The following PTP4A1 variants were observed in gnomAD, a reference collection of about 807,000 sequenced individuals.
PTP4A1 encodes the protein protein tyrosine phosphatase type IVA 1.
Under a neutral mutation model 20.5 loss-of-function variants are expected in PTP4A1, and 9 were observed. The observed-to-expected ratio is 0.44, with a 90% CI of 0.26 to 0.77. The LOEUF is 0.77. PTP4A1 is among the 30% of genes least tolerant of loss of function. The pLI is 0.19. For missense variants in PTP4A1, 137 were observed against 218.8 expected, an observed-to-expected ratio of 0.63 and a Z score of 2.36; for synonymous variants, 78 against 67.4, an observed-to-expected ratio of 1.16 and a Z score of -0.77.
At chr6:63,547,569 G>C (rs1469270674) in intron 2 of PTP4A1, among the ~76,000 whole-genome samples, 1 of 136,998 alleles carries the variant, frequency 7.3e-6, no homozygotes, top group African/African-American at 2.8e-5. Flanking sequence ...GCAGTGGTAC[G>C]ATCTTGGCTC....
At chr6:63,576,201 A>C (rs1777857151) in intron 1 of PTP4A1, among the ~76,000 whole-genome samples, 1 of 151,442 alleles carries the variant, frequency 6.6e-6, no homozygotes, top group Admixed American at 6.6e-5. Flanking sequence ...TTTTCTGAGG[A>C]ATCTTGGTAA....
At chr6:63,577,050 C>T (rs1206572791) in intron 2 of PTP4A1, 65 bp downstream of exon 2, 10 of 1,303,696 alleles carry the variant, frequency 7.7e-6, no homozygotes, top group African/African-American at 3.0e-5. Flanking sequence ...TTATAGCTAA[C>T]AAAATAAAAA....
In PTP4A1 at chr6:63,573,939, T is replaced by G. The variant is rs554054400; in HGVS notation, c.-446+1220T>G. Among the ~76,000 whole-genome samples the G allele has an allele frequency of 3.9e-5, 6 of 152,292 alleles. No individual in the cohort carries two copies. In the South Asian group the frequency reaches 1.2e-3, roughly 32 times the overall value. ...TGAGCTCTGTGGTGTAATATGTTGT[T>G]GCCTCCTGTTGGTTTGTGGCAGCAG... On this transcript the variant is annotated intron_variant, in intron 1 of 5. Coordinates refer to ENST00000626021, the MANE Select transcript of PTP4A1 (RefSeq NM_003463.5).
chr6:63,541,280 T>C (rs962207655), intron 2 of PTP4A1, among the ~76,000 whole-genome samples: 1 of 152,136 alleles, frequency 6.6e-6, no homozygotes, highest in Non-Finnish European at 1.5e-5. Context: ...TAGATTCCCA[T>C]TCTCTTTGGA....
intron 2 of PTP4A1, among the ~76,000 whole-genome samples, chr6:63,533,615 G>A (rs1256705648): frequency 6.6e-6 from 1 of 152,004 alleles, no homozygotes; most frequent in Non-Finnish European, 1.5e-5. Flanking sequence ...ATGGCTGAGG[G>A]ACTAGAGCAC....
intron 1 of PTP4A1, among the ~76,000 whole-genome samples, chr6:63,524,145 C>A (rs760478722): frequency 1.3e-5 from 2 of 152,062 alleles, no homozygotes; most frequent in Non-Finnish European, 2.9e-5. Flanking sequence ...CCACCACACC[C>A]AGTTAATTTT....
chr6:63,542,426 TAAAA>T (rs371701345), intron 2 of PTP4A1, among the ~76,000 whole-genome samples: 4 of 144,324 alleles, frequency 2.8e-5, no homozygotes, highest in African/African-American at 5.1e-5. Context: ...CCTATGGAAA[TAAAA>T]AAAAAAACTC....
upstream of PTP4A1, chr6:63,571,617 G>C (rs970837200): frequency 6.6e-6 from 1 of 152,168 alleles, no homozygotes; most frequent in Non-Finnish European, 1.5e-5. Context: ...TTCTAAAAAC[G>C]CTTTCTTTAA....
In PTP4A1 at chr6:63,580,093, G is replaced by A. The variant is rs1379653723; in HGVS notation, c.441G>A (p.Leu147=). 2 of 1,608,308 alleles carry A rather than the reference G, an allele frequency of 1.2e-6. No individual in the cohort carries two copies. Among genetic ancestry groups the A allele is most frequent in the Non-Finnish European group, 1.7e-6 (2 of 1,177,890 alleles). Residue 147 remains leucine, a synonymous_variant, in exon 6 of 6, where the codon CTG becomes CTA. Coordinates refer to ENST00000626021, the MANE Select transcript of PTP4A1 (RefSeq NM_003463.5). ...GAGCTTTTAACAGCAAGCAACTTCTGTATTTGGAGAAGTATCGTCCTAAAA... is the reference window on the plus strand; with the variant it reads ...GAGCTTTTAACAGCAAGCAACTTCTATATTTGGAGAAGTATCGTCCTAAAA... The part of the protein sequence containing the change: ...RRGAFNSKQL[L]YLEKYRPKMR...
intron 2 of PTP4A1, among the ~76,000 whole-genome samples, chr6:63,534,933 A>G (rs1408389819): frequency 2.0e-5 from 3 of 151,842 alleles, no homozygotes; most frequent in Non-Finnish European, 4.4e-5. Context: ...GGTGGCACAC[A>G]TCTGTAATCC....
upstream of PTP4A1, among the ~76,000 whole-genome samples, chr6:63,520,146 A>G (rs982352474): frequency 4.6e-5 from 7 of 152,208 alleles, no homozygotes; most frequent in African/African-American, 1.4e-4. Context: ...TGTTGCATTG[A>G]TACTTTTCTC....
At chr6:63,533,237 C>A (rs750736712) in intron 2 of PTP4A1, among the ~76,000 whole-genome samples, 4 of 152,058 alleles carry the variant, frequency 2.6e-5, no homozygotes, top group Non-Finnish European at 4.4e-5. Flanking sequence ...CAAAAATTAG[C>A]CAGATGTGGT....
Position 63,580,157 on chromosome 6 carries a change from A to G in PTP4A1, c.505A>G (p.Asn169Asp). ...RFKDSNGHRN[N>D]CCIQ ...CAAAGATTCCAACGGTCATAGAAAC[A>G]ACTGTTGCATTCAATAAAATTGGGG... Residue 169 changes from asparagine to aspartate, a missense_variant, in exon 6 of 6, where the codon AAC becomes GAC. Transcript: ENST00000626021. 6.2e-7 allele frequency: 1 copy of G among 1,611,502 alleles called. No individual in the cohort carries two copies. The highest frequency in any genetic ancestry group is 8.5e-7 in the Non-Finnish European group (1 of 1,177,860).
At chr6:63,570,914 G>A (rs549976640), upstream of PTP4A1, 2 of 151,662 alleles carry the variant, frequency 1.3e-5, no homozygotes, top group African/African-American at 4.8e-5. Context: ...CCTTTTTTTC[G>A]ACATGAGTTC....
At chr6:63,560,551 C>T (rs957723592) in intron 3 of PTP4A1, among the ~76,000 whole-genome samples, 5 of 151,714 alleles carry the variant, frequency 3.3e-5, no homozygotes, top group Non-Finnish European at 7.4e-5. Flanking sequence ...AGGCGTGTAC[C>T]ACCATGGCCC....
At chr6:63,541,016 GGGAATGAAGAAAGGAA>G (rs1216106156) in intron 2 of PTP4A1, among the ~76,000 whole-genome samples, 2 of 129,230 alleles carry the variant, frequency 1.5e-5, no homozygotes, top group Admixed American at 8.1e-5. Flanking sequence ...AAAGGAAGGA[GGGAATGAAGAAAGGAA>G]GGAAGGAAGG....
At chr6:63,578,619 A>T in intron 3 of PTP4A1, 90 bp downstream of exon 3, 1 of 1,464,862 alleles carries the variant, frequency 6.8e-7, no homozygotes, top group Non-Finnish European at 9.1e-7. Context: ...TATTTAAGTC[A>T]TAAATAGACC....
At chr6:63,552,549 T>A (rs1473543898) in intron 3 of PTP4A1, among the ~76,000 whole-genome samples, 1 of 152,226 alleles carries the variant, frequency 6.6e-6, no homozygotes, top group East Asian at 1.9e-4. Context: ...TTAGATCCCA[T>A]TTGTTAATTT....
At chr6:63,577,231 T>TGGTATGTGTCC (rs1234787026) in intron 2 of PTP4A1, among the ~76,000 whole-genome samples, 30 of 152,362 alleles carry the variant, frequency 2.0e-4, no homozygotes, top group African/African-American at 7.0e-4. Context: ...AGTAAAACAG[T>TGGTATGTGTCC]ATAGCTCTTA....
Sources: allele counts gnomAD v4.1 joint callset (sites outside exome capture counted in the v4.1 genomes callset), GRCh38; gene constraint gnomAD v4.1.1; transcripts MANE v1.5; gene names NCBI Gene and HGNC (gene_info 2026-07-23, HGNC 2026-07-21).